CSGALNACT1: variants seen among roughly 807,000 people sequenced by gnomAD.
The protein encoded by CSGALNACT1 is chondroitin sulfate N-acetylgalactosaminyltransferase 1, also known as beta4GalNAcT-1.
CSGALNACT1 carries 52 observed loss-of-function variants against 51.0 expected under a neutral mutation model. The ratio of observed to expected loss-of-function variants is 1.02; its 90% CI spans 0.82 to 1.29. The LOEUF (loss-of-function observed/expected upper bound fraction) is 1.29, where lower values mean the gene tolerates loss of function less well. Among genes scored for constraint, CSGALNACT1 ranks in the 50% most tolerant of loss-of-function variants. CSGALNACT1 has a pLI of 0.00. For synonymous variants in CSGALNACT1, 341 were observed against 254.4 expected (o/e 1.34, Z -3.24); for missense variants, 935 against 679.2 (o/e 1.38, Z -4.19).
At chr8:19,734,766 C>A (rs1211889909) in intron 1 of CSGALNACT1, among the ~76,000 whole-genome samples, 2 of 152,048 alleles carry the variant, frequency 1.3e-5, no homozygotes, top group Non-Finnish European at 2.9e-5. Flanking sequence ...CTGAAGAAAA[C>A]CTGTACAAAA....
intron 3 of CSGALNACT1, among the ~76,000 whole-genome samples, chr8:19,528,254 C>A (rs917929937): frequency 6.6e-6 from 1 of 151,624 alleles, no homozygotes; most frequent in African/African-American, 2.4e-5. Context: ...CATTTTCCGA[C>A]TCGTTCAGGA....
At chr8:19,654,782 C>T (rs2058113148) in intron 1 of CSGALNACT1, among the ~76,000 whole-genome samples, 1 of 152,056 alleles carries the variant, frequency 6.6e-6, no homozygotes, top group Non-Finnish European at 1.5e-5. Flanking sequence ...TGAGCTCAAG[C>T]AATCCTCCCG....
At chr8:19,533,573 T>C (rs1244936148) in intron 3 of CSGALNACT1, among the ~76,000 whole-genome samples, 1 of 152,210 alleles carries the variant, frequency 6.6e-6, no homozygotes, top group Non-Finnish European at 1.5e-5. Context: ...GCACTAGAGT[T>C]TAACCTTTCT....
intron 3 of CSGALNACT1, among the ~76,000 whole-genome samples, chr8:19,528,159 G>C (rs1032787928): frequency 6.6e-6 from 1 of 152,028 alleles, no homozygotes; most frequent in Non-Finnish European, 1.5e-5. Flanking sequence ...AGGTAGCCTG[G>C]CTAATTCTGT....
At chr8:19,755,445 G>A (rs2065293393) in intron 1 of CSGALNACT1, among the ~76,000 whole-genome samples, 1 of 30,946 alleles carries the variant, frequency 3.2e-5, no homozygotes, top group South Asian at 1.6e-3. Flanking sequence ...ATCCCTAAAT[G>A]TAAAGAAAGA....
chr8:19,638,097 G>A (rs147891111), intron 1 of CSGALNACT1, among the ~76,000 whole-genome samples: 44 of 147,796 alleles, frequency 3.0e-4, no homozygotes, highest in African/African-American at 1.1e-3. Context: ...TTAGTCTCTT[G>A]AAACCAACGA....
intron 2 of CSGALNACT1, among the ~76,000 whole-genome samples, 185 bp downstream of exon 2, chr8:19,601,586 G>A (rs1200882403): frequency 6.6e-6 from 1 of 152,176 alleles, no homozygotes; most frequent in Non-Finnish European, 1.5e-5. Context: ...TGAATGAAAA[G>A]GATTCAATGG....
At chr8:19,543,594 C>T (rs1476761204) in intron 3 of CSGALNACT1, among the ~76,000 whole-genome samples, 1 of 152,140 alleles carries the variant, frequency 6.6e-6, no homozygotes, top group Non-Finnish European at 1.5e-5. Context: ...CTCACAGTCT[C>T]CAGTGGGGTT....
rs112330762 is a variant in CSGALNACT1 at position 19,752,372 on chromosome 8, A to T, written c.-297+5478T>A. Among the ~76,000 whole-genome samples the T allele has an allele frequency of 5.4e-3, 829 of 152,172 alleles. 4 individuals carry two copies. The highest frequency in any genetic ancestry group is 0.019 in the African/African-American group (786 of 41,528). ...CCACTCTCTGTTGACCAGGCTGAGC[A>T]CCCGACATGGAACAGTCTACCACAG... On this transcript the variant is annotated intron_variant, in intron 1 of 1. Transcript: ENST00000517494.
chr8:19,546,249 TAATCGTGTTTTTGTAAGTAA>T (rs2086439004), intron 3 of CSGALNACT1, among the ~76,000 whole-genome samples: 2 of 152,202 alleles, frequency 1.3e-5, no homozygotes, highest in Admixed American at 6.5e-5. Flanking sequence ...AAAACATGAT[TAATCGTGTTTTTGTAAGTAA>T]GTTGAACATG....
At chr8:19,471,189 G>A (rs2068078742) in intron 4 of CSGALNACT1, among the ~76,000 whole-genome samples, 1 of 152,098 alleles carries the variant, frequency 6.6e-6, no homozygotes, top group Non-Finnish European at 1.5e-5. Context: ...CCGGAAAAGG[G>A]AAGAAAGCCT....
At chr8:19,552,788 G>C (rs1217304185) in intron 3 of CSGALNACT1, among the ~76,000 whole-genome samples, 1 of 152,156 alleles carries the variant, frequency 6.6e-6, no homozygotes, top group Admixed American at 6.5e-5. Flanking sequence ...TCTAACTGTA[G>C]CTAAACAGAA....
intron 1 of CSGALNACT1, among the ~76,000 whole-genome samples, chr8:19,622,176 C>T (rs887207517): frequency 6.6e-6 from 1 of 152,224 alleles, no homozygotes; most frequent in African/African-American, 2.4e-5. Context: ...TACAAAACTT[C>T]TCAATGTCTT....
At chr8:19,755,995 T>A (rs992271671) in intron 1 of CSGALNACT1, among the ~76,000 whole-genome samples, 1 of 152,204 alleles carries the variant, frequency 6.6e-6, no homozygotes, top group African/African-American at 2.4e-5. Flanking sequence ...TATGCACTAT[T>A]ACAAAACGTG....
At chr8:19,467,626 G>A (rs185330847) in intron 4 of CSGALNACT1, among the ~76,000 whole-genome samples, 1 of 148,796 alleles carries the variant, frequency 6.7e-6, no homozygotes, top group African/African-American at 2.5e-5. Flanking sequence ...GACCTGGTTA[G>A]TTTTTTTTTT....
intron 8 of CSGALNACT1, 149 bp from the exon 8 acceptor site, chr8:19,408,843 G>C (rs2054929696): frequency 4.1e-6 from 3 of 736,336 alleles, no homozygotes; most frequent in African/African-American, 1.7e-5. Context: ...AGATGGATTT[G>C]AGTCCTTGCA....
chr8:19,522,570 G>A (rs1340911237), intron 3 of CSGALNACT1, among the ~76,000 whole-genome samples: 1 of 152,140 alleles, frequency 6.6e-6, no homozygotes, highest in Non-Finnish European at 1.5e-5. Context: ...AGGACATTAG[G>A]TCTGGGGACA....
At chr8:19,681,244 C>A (rs1406908300) in intron 1 of CSGALNACT1, among the ~76,000 whole-genome samples, 1 of 152,038 alleles carries the variant, frequency 6.6e-6, no homozygotes, top group African/African-American at 2.4e-5. Context: ...AAGAAATTCA[C>A]AGCAAGGAAA....
At chr8:19,561,474 G>A (rs1465413582) in intron 3 of CSGALNACT1, among the ~76,000 whole-genome samples, 2 of 152,110 alleles carry the variant, frequency 1.3e-5, no homozygotes, top group Non-Finnish European at 1.5e-5. Flanking sequence ...GTCCCTCTCC[G>A]AGGCCCCACC....
Sources: gnomAD v4.1 joint callset for allele counts (sites outside exome capture counted in the v4.1 genomes callset) on GRCh38, gnomAD v4.1.1 for gene constraint, MANE v1.5 for transcripts, NCBI Gene and HGNC (gene_info 2026-07-23, HGNC 2026-07-21) for gene names.